Variants in AGPAT3 observed in about 807,000 individuals in gnomAD.
AGPAT3 encodes the protein 1-acyl-sn-glycerol-3-phosphate acyltransferase gamma.
AGPAT3 carries 5 observed loss-of-function variants against 47.3 expected under a neutral mutation model. That is an observed-to-expected ratio of 0.11 (90% CI 0.06 to 0.22). AGPAT3 has a LOEUF of 0.22. AGPAT3 is among the 10% of genes least tolerant of loss of function. The pLI is 1.00. For synonymous variants in AGPAT3, 212 were observed against 208.3 expected (o/e 1.02, Z -0.15); for missense variants, 315 against 493.0 (o/e 0.64, Z 3.42).
chr21:43,957,650 C>A (rs1907563696), intron 2 of AGPAT3, among the ~76,000 whole-genome samples: 1 of 150,046 alleles, frequency 6.7e-6, no homozygotes, highest in African/African-American at 2.5e-5. Flanking sequence ...CTCGGGTTTC[C>A]CCCTCCACAC....
At chr21:43,887,939 C>T (rs1231670003) in intron 1 of AGPAT3, among the ~76,000 whole-genome samples, 1 of 152,256 alleles carries the variant, frequency 6.6e-6, no homozygotes, top group East Asian at 1.9e-4. Flanking sequence ...AGGCATGAGC[C>T]ACCACGCCCG....
At chr21:43,942,846 C>T (rs2087711089) in intron 2 of AGPAT3, among the ~76,000 whole-genome samples, 1 of 152,166 alleles carries the variant, frequency 6.6e-6, no homozygotes, top group Non-Finnish European at 1.5e-5. Context: ...CTCATCTGGG[C>T]TCAGGGAGAC....
chr21:43,900,051 G>C (rs1215792057), intron 1 of AGPAT3, among the ~76,000 whole-genome samples: 1 of 152,188 alleles, frequency 6.6e-6, no homozygotes, highest in Non-Finnish European at 1.5e-5. Flanking sequence ...AATGTACTTT[G>C]AGTGAGATGT....
At chr21:43,905,155 AT>A (rs1431086029) in intron 2 of AGPAT3, among the ~76,000 whole-genome samples, 9 of 138,542 alleles carry the variant, frequency 6.5e-5, no homozygotes, top group African/African-American at 2.1e-4. Flanking sequence ...TTTAAAAAAA[AT>A]ATTTATTTAT....
chr21:43,914,386 A>G (rs1321518901), intron 2 of AGPAT3, among the ~76,000 whole-genome samples: 1 of 152,174 alleles, frequency 6.6e-6, no homozygotes, highest in Non-Finnish European at 1.5e-5. Flanking sequence ...AAAATAGTCT[A>G]TTCTTATAGG....
At chr21:43,977,656 T>C (rs2089669263) in intron 7 of AGPAT3, among the ~76,000 whole-genome samples, 1 of 152,064 alleles carries the variant, frequency 6.6e-6, no homozygotes, top group Admixed American at 6.5e-5. Flanking sequence ...GGCGGGTGGA[T>C]CACGAGGTCA....
intron 1 of AGPAT3, among the ~76,000 whole-genome samples, chr21:43,873,471 G>T (rs377091189): frequency 1.3e-5 from 2 of 152,116 alleles, no homozygotes; most frequent in Non-Finnish European, 2.9e-5. Context: ...TCTGCCTCCC[G>T]GGTTCAAGCG....
chr21:43,874,503 T>A (rs2085691152), intron 1 of AGPAT3, among the ~76,000 whole-genome samples: 2 of 152,274 alleles, frequency 1.3e-5, no homozygotes. Context: ...GTTTTTATTA[T>A]GATTTCAGCT....
Position 43,865,306 on chromosome 21 carries a change from C to A in AGPAT3, c.-151C>A. ...CAGAGCGGGGCCGCGGAGGCGACGCCGGGGACGCCCGCGCGACGAGCAGGT... is the reference window on the plus strand; with the variant it reads ...CAGAGCGGGGCCGCGGAGGCGACGCAGGGGACGCCCGCGCGACGAGCAGGT... On this transcript the variant is annotated 5_prime_UTR_variant, in exon 1 of 10. Coordinates refer to ENST00000291572, the MANE Select transcript of AGPAT3 (RefSeq NM_020132.5). 1 of 146,740 alleles carries A rather than the reference C, an allele frequency of 6.8e-6. No homozygotes were observed. Among genetic ancestry groups the A allele is most frequent in the South Asian group, 1.9e-4 (1 of 5,278 alleles). 9.1% of individuals were successfully genotyped at this position (146,740 alleles called of 1,614,324 possible). A position where few individuals can be genotyped will look rare whatever the true frequency, so the allele number is the denominator to read the frequency against.
chr21:43,985,210 G>C lies in AGPAT3; in HGVS notation c.*2818G>C, dbSNP rs1366915726. ...CCATCTTCCCAAGGATGCCATTGCTGTCTTCATCGTCTTCCCCCGTGTGAG... is the reference window on the plus strand; with the variant it reads ...CCATCTTCCCAAGGATGCCATTGCTCTCTTCATCGTCTTCCCCCGTGTGAG... On this transcript the variant is annotated 3_prime_UTR_variant, in exon 10 of 10. Transcript: ENST00000291572. The C allele has an allele frequency of 2.2e-6, 1 of 456,184 alleles. No homozygotes were observed. The highest frequency in any genetic ancestry group is 4.4e-6 in the Non-Finnish European group (1 of 226,972). The allele number at this position is 456,184 out of a possible 1,614,324, so 28.3% of individuals were successfully genotyped here.
chr21:43,971,914 G>A (rs1331819978), intron 7 of AGPAT3, among the ~76,000 whole-genome samples: 1 of 152,116 alleles, frequency 6.6e-6, no homozygotes, highest in Non-Finnish European at 1.5e-5. Context: ...TAAGTCTCCT[G>A]GGGCCCACAG....
chr21:43,959,860 G>A lies in AGPAT3; in HGVS notation c.178+1G>A. The A allele has an allele frequency of 6.2e-7, 1 of 1,603,260 alleles. No homozygotes were observed. The highest frequency in any genetic ancestry group is 8.5e-7 in the Non-Finnish European group (1 of 1,177,806). On this transcript the variant is annotated splice_donor_variant, in intron 3 of 9. Transcript: ENST00000291572. LOFTEE classifies it high-confidence loss of function. The stretch of plus-strand genomic sequence containing the variant: ...CGCCTCGCCTACTCACTCTGGAGCC[G>A]TGAGTGTCTGCTGGGCCAGTCCCTG...
chr21:43,902,080 C>A (rs780650831), intron 1 of AGPAT3, among the ~76,000 whole-genome samples: 2 of 152,068 alleles, frequency 1.3e-5, no homozygotes, highest in African/African-American at 4.8e-5. Context: ...AATCTCAAAC[C>A]GAAGAAACAT....
rs1320038368 is a variant in AGPAT3 at position 43,880,857 on chromosome 21, G to T, written c.-112+15512G>T. Among the ~76,000 whole-genome samples the T allele has an allele frequency of 6.6e-6, 1 of 152,178 alleles. No individual in the cohort carries two copies. Among genetic ancestry groups the T allele is most frequent in the Non-Finnish European group, 1.5e-5 (1 of 68,042 alleles). On this transcript the variant is annotated intron_variant, in intron 1 of 9. Transcript: ENST00000291572. The surrounding 1 kb of genome is among the most constrained non-coding windows in gnomAD (Gnocchi z 4.5). ...CCAGTCGACTGTGTTTGACATGGTG[G>T]TGAATTGGACACGTGACAGGTGGCA...
Position 43,921,701 on chromosome 21 carries a change from T to A in AGPAT3, c.-49+17682T>A, listed in dbSNP as rs117303420. 7.6e-3 allele frequency among the ~76,000 whole-genome samples: 1,153 copies of A among 152,300 alleles called. 5 individuals are homozygous for A. The highest frequency in any genetic ancestry group is 0.031 in the Middle Eastern group (9 of 294). Reference sequence around the variant, plus strand: ...TGTTAGTTTTGTGGTGCCTTTGAAGTCACTTCGCTGGGTCCGCAATCAAAA... The same window carrying A: ...TGTTAGTTTTGTGGTGCCTTTGAAGACACTTCGCTGGGTCCGCAATCAAAA... On this transcript the variant is annotated intron_variant, in intron 2 of 9. Coordinates refer to ENST00000291572, the MANE Select transcript of AGPAT3 (RefSeq NM_020132.5).
rs1049622150 is a variant in AGPAT3 at position 43,970,068 on chromosome 21, G to C, written c.511-585G>C. On this transcript the variant is annotated intron_variant, in intron 5 of 9. Transcript: ENST00000291572. The surrounding 1 kb of genome is among the most constrained non-coding windows in gnomAD (Gnocchi z 5.8). ...CTGTCACCCAGGCTAGAGTGCAGTG[G>C]CATGATCTCAGCTCACTGCAACCTC... Among the ~76,000 whole-genome samples the C allele has an allele frequency of 6.6e-6, 1 of 152,080 alleles. No individual in the cohort carries two copies. The highest frequency in any genetic ancestry group is 2.4e-5 in the African/African-American group (1 of 41,386).
intron 2 of AGPAT3, among the ~76,000 whole-genome samples, chr21:43,926,499 C>T (rs889979869): frequency 6.6e-6 from 1 of 152,182 alleles, no homozygotes; most frequent in Non-Finnish European, 1.5e-5. Flanking sequence ...TCACAGAGAA[C>T]AGGCAGCTTC....
chr21:43,902,667 C>A (rs1379818142), intron 1 of AGPAT3, among the ~76,000 whole-genome samples: 2 of 152,108 alleles, frequency 1.3e-5, no homozygotes, highest in Non-Finnish European at 2.9e-5. Context: ...TGCCAATGGC[C>A]CTGTCTCCAA....
intron 1 of AGPAT3, among the ~76,000 whole-genome samples, chr21:43,898,657 G>A (rs563051115): frequency 6.6e-6 from 1 of 152,242 alleles, no homozygotes; most frequent in African/African-American, 2.4e-5. Flanking sequence ...CTCCTGAGTA[G>A]CTGGGATTAC....
Sources: allele counts gnomAD v4.1 joint callset (sites outside exome capture counted in the v4.1 genomes callset), GRCh38; gene constraint gnomAD v4.1.1; non-coding constraint Gnocchi (gnomAD v3.1); transcripts MANE v1.5; gene names NCBI Gene and HGNC (gene_info 2026-07-23, HGNC 2026-07-21).